Variants in ACE observed in about 807,000 individuals in gnomAD.
ACE encodes the protein angiotensin-converting enzyme.
A neutral mutation model predicts 162.3 loss-of-function variants in ACE; 122 were observed. That is an observed-to-expected ratio of 0.75 (90% CI 0.65 to 0.87). The LOEUF (loss-of-function observed/expected upper bound fraction) is 0.87. Among genes scored for constraint, ACE ranks in the 40% least tolerant of loss-of-function variants. ACE has a pLI of 0.00. For missense variants in ACE, 1,799 were observed against 1,735.1 expected (o/e 1.04, Z -0.65); for synonymous variants, 796 against 720.6 (o/e 1.10, Z -1.68).
intron 22 of ACE, 106 bp from the exon 23 acceptor site, chr17:63,496,288 A>C (rs987569734): frequency 1.3e-6 from 2 of 1,557,614 alleles, no homozygotes; most frequent in Admixed American, 3.3e-5. Flanking sequence ...TGCTGTGCGC[A>C]TGTGACTTAG....
Position 63,483,567 on chromosome 17 carries a change from G to GCGGGGGGGGGGCCCCCCCCCCCCCCCCC in ACE, c.1586+10_1586+11insGGGGGGGGGGCCCCCCCCCCCCCCCCCC. The GCGGGGGGGGGGCCCCCCCCCCCCCCCCC allele has an allele frequency of 1.3e-6, 2 of 1,589,386 alleles. No individual in the cohort carries two copies. Among genetic ancestry groups the GCGGGGGGGGGGCCCCCCCCCCCCCCCCC allele is most frequent in the African/African-American group, 1.4e-5 (1 of 71,662 alleles). On this transcript the variant is annotated intron_variant, in intron 10 of 24. Transcript: ENST00000290866. The stretch of plus-strand genomic sequence containing the variant: ...GTGACACCATACATCAGGTATTAGC[G>GCGGGGGGGGGGCCCCCCCCCCCCCCCCC]CCCCCACCCCACCCACCCCCAGTAC...
Position 63,477,914 on chromosome 17 carries a change from C to A in ACE, c.250-17C>A. ...AGCAGGGTCCTACACCCTCCCTGCC[C>A]TCCTGGTGCCCAATAGGAGGAAGCA... On this transcript the variant is annotated splice_polypyrimidine_tract_variant and intron_variant, in intron 1 of 24. Transcript: ENST00000290866. The A allele has an allele frequency of 1.2e-6, 2 of 1,604,774 alleles. No homozygotes were observed. Among genetic ancestry groups the A allele is most frequent in the Non-Finnish European group, 1.7e-6 (2 of 1,175,740 alleles).
intron 23 of ACE, 65 bp downstream of exon 23, chr17:63,496,581 C>T: frequency 6.2e-7 from 1 of 1,611,844 alleles, no homozygotes. Context: ...CTTGAGGGGT[C>T]TGTCCACTGG....
chr17:63,477,436 CG>C, intron 1 of ACE, 93 bp downstream of exon 1: 6 of 1,028,896 alleles, frequency 5.8e-6, no homozygotes, highest in Non-Finnish European at 7.2e-6. Flanking sequence ...CTGGCGCCCC[CG>C]ACCCGAACCC....
At chr17:63,486,446 C>A in intron 13 of ACE, 111 bp from the exon 14 acceptor site, 1 of 1,221,054 alleles carries the variant, frequency 8.2e-7, no homozygotes, top group African/African-American at 1.5e-5. Flanking sequence ...CAACTTAATT[C>A]CACTGCCCCC....
Position 63,489,043 on chromosome 17 carries a change from A to C in ACE, c.2552A>C (p.Asn851Thr). 1 of 1,614,148 alleles carries C rather than the reference A, an allele frequency of 6.2e-7. No individual in the cohort carries two copies. The highest frequency in any genetic ancestry group is 1.1e-5 in the South Asian group (1 of 91,080). The change falls in exon 17 of 25, where the codon AAC becomes ACC. Residue 851 changes from asparagine (N) to threonine (T), a missense_variant. By Grantham distance (65) the Asn-to-Thr change is moderately conservative. Coordinates refer to ENST00000290866, the MANE Select transcript of ACE (RefSeq NM_000789.4). ...LFQELQPLYL[N>T]LHAYVRRALH... Reference sequence around the variant, plus strand: ...CAGGAGCTGCAGCCACTCTACCTCAACCTGCATGCCTACGTGCGCCGGGCC... The same window carrying C: ...CAGGAGCTGCAGCCACTCTACCTCACCCTGCATGCCTACGTGCGCCGGGCC...
In ACE at chr17:63,488,405, G is replaced by A. The variant is rs181105359; in HGVS notation, c.2306-243G>A. On this transcript the variant is annotated intron_variant, in intron 15 of 24. Coordinates refer to ENST00000290866, the MANE Select transcript of ACE (RefSeq NM_000789.4). ...AAGGAGAGGAGAGAGACTCAAGCAC[G>A]CCCCTCACAGGACTGCTGAGGCCCT... Among the ~76,000 whole-genome samples the A allele has an allele frequency of 2.6e-3, 385 of 147,582 alleles. 4 individuals are homozygous for A. Among genetic ancestry groups the A allele is most frequent in the Non-Finnish European group, 3.5e-3 (238 of 67,120 alleles).
In ACE at chr17:63,481,026, C is replaced by G. The variant is rs868109489; in HGVS notation, c.848-65C>G. 19 of 1,506,740 alleles carry G rather than the reference C, an allele frequency of 1.3e-5. 1 individual carries two copies. The Middle Eastern group carries it at 8.5e-4, about 68-fold the overall frequency. The allele number at this position is 1,506,740 out of a possible 1,614,324, so 93.3% of individuals were successfully genotyped here. ...GTGCCGGCCCCAGGGTGCCACTCAG[C>G]GATGCATGAAGAAGCAGGCACAGCC... On this transcript the variant is annotated intron_variant, in intron 5 of 24. Transcript: ENST00000290866.
rs868134438 is a variant in ACE, at chr17:63,477,269, C to G, written c.175C>G (p.Gln59Glu). 4.7e-6 allele frequency: 7 copies of G among 1,494,510 alleles called. No homozygotes were observed. The highest frequency in any genetic ancestry group is 3.8e-5 in the South Asian group (3 of 79,704). 92.6% of individuals were successfully genotyped at this position (1,494,510 alleles called of 1,614,324 possible). A position where few individuals can be genotyped will look rare whatever the true frequency, so the allele number is the denominator to read the frequency against. The stretch of plus-strand genomic sequence containing the variant: ...GCAGAGCTACAACTCCAGCGCCGAA[C>G]AGGTGCTGTTCCAGAGCGTGGCCGC... ...FAQSYNSSAE[Q>E]VLFQSVAASW... The change falls in exon 1 of 25, where the codon CAG (glutamine) becomes GAG (glutamate). Residue 59 changes from glutamine (Q) to glutamate (E), a missense_variant. Physicochemically the swap from Gln to Glu is conservative, Grantham distance 29. Transcript: ENST00000290866.
chr17:63,481,263 CAG>C, intron 6 of ACE, 75 bp downstream of exon 6: 1 of 1,390,270 alleles, frequency 7.2e-7, no homozygotes, highest in Non-Finnish European at 1.0e-6. Flanking sequence ...CAGATGGGCA[CAG>C]GGGCGGGAAG....
At position 63,482,666 on chromosome 17, in the gene ACE, T is replaced by A. The variant is rs748465912; in HGVS notation, c.1319T>A (p.Leu440Gln). Reference protein sequence around the residue: ...TPEHLHKIGLLDRVTNDTESD... With the variant: ...TPEHLHKIGLQDRVTNDTESD... ...GAACATCTGCACAAAATCGGCCTGC[T>A]GGACCGTGTCACCAATGACACGGGT... Residue 440 changes from leucine (L) to glutamine (Q), a missense_variant, in exon 8 of 25, where the codon CTG becomes CAG. Coordinates refer to ENST00000290866, the MANE Select transcript of ACE (RefSeq NM_000789.4). 4 of 1,613,746 alleles carry A rather than the reference T, an allele frequency of 2.5e-6. No individual in the cohort carries two copies. Among genetic ancestry groups the A allele is most frequent in the Middle Eastern group, 1.6e-4 (1 of 6,084 alleles).
In ACE at chr17:63,491,381, G is replaced by T. The variant is rs554004241; in HGVS notation, c.2912G>T (p.Arg971Leu). ...AWDFYNGKDF[R>L]IKQCTTVNLE... ...GACTTCTACAACGGCAAGGACTTCCGGTACATCCAGCTAGGGCTCAGGTCT... is the reference window on the plus strand; with the variant it reads ...GACTTCTACAACGGCAAGGACTTCCTGTACATCCAGCTAGGGCTCAGGTCT... The change falls in exon 19 of 25, where the codon CGG becomes CTG. Residue 971 changes from arginine to leucine, a missense_variant and splice_region_variant. Transcript: ENST00000290866. The surrounding 1 kb of genome is among the most constrained non-coding windows in gnomAD (Gnocchi z 4.4). The T allele has an allele frequency of 6.2e-6, 10 of 1,613,966 alleles. No homozygotes were observed. The highest frequency in any genetic ancestry group is 1.3e-5 in the African/African-American group (1 of 74,914).
rs147670020 is a variant in ACE, at chr17:63,480,459, C to T, written c.778C>T (p.Arg260Cys). ...CCTGAACCTCCATGCCTTCGTCCGCCGCGCACTGCATCGCCGATACGGAGA... is the reference window on the plus strand; with the variant it reads ...CCTGAACCTCCATGCCTTCGTCCGCTGCGCACTGCATCGCCGATACGGAGA... ...LYLNLHAFVR[R>C]ALHRRYGDRY... The change falls in exon 5 of 25, where the codon CGC becomes TGC. Residue 260 changes from arginine to cysteine, a missense_variant. Coordinates refer to ENST00000290866, the MANE Select transcript of ACE (RefSeq NM_000789.4). The T allele has an allele frequency of 2.0e-5, 32 of 1,614,002 alleles. No individual in the cohort carries two copies. The highest frequency in any genetic ancestry group is 4.5e-5 in the East Asian group (2 of 44,892).
In ACE at chr17:63,496,179, C is replaced by T. The variant is rs1013983146; in HGVS notation, c.3381-215C>T. The T allele has an allele frequency of 4.7e-6, 3 of 639,322 alleles. No homozygotes were observed. The African/African-American group carries it at 5.5e-5, about 12-fold the overall frequency. The allele number at this position is 639,322 out of a possible 1,614,324, so 39.6% of individuals were successfully genotyped here. A position where few individuals can be genotyped will look rare whatever the true frequency, so the allele number is the denominator to read the frequency against. ...AGGCAGCTCTGTGGGTGGGAGGCAT[C>T]TACACAGGCACGGCTAGGAAGAGGC... is the stretch of plus-strand genomic sequence containing the variant. On this transcript the variant is annotated intron_variant, in intron 22 of 24. Coordinates refer to ENST00000290866, the MANE Select transcript of ACE (RefSeq NM_000789.4).
Position 63,493,628 on chromosome 17 carries a change from C to T in ACE, c.3105C>T (p.Leu1035=), listed in dbSNP as rs781732987. The T allele has an allele frequency of 1.2e-5, 19 of 1,614,040 alleles. No individual in the cohort carries two copies. Among genetic ancestry groups the T allele is most frequent in the Non-Finnish European group, 1.4e-5 (16 of 1,180,024 alleles). The change falls in exon 20 of 25, where the codon CTC becomes CTT. Residue 1035 remains leucine, a synonymous_variant. Transcript: ENST00000290866. ...SVSTPKHLHS[L]NLLSSEGGSD... is the part of the protein sequence containing the mutation. ...CTACGCCCAAGCACCTGCACAGTCT[C>T]AACCTGCTGAGCAGTGAGGGTGGCA...
chr17:63,484,547 G>C lies in ACE; in HGVS notation c.1921+6G>C. ...CAACTACCCGGAGGGCATAGGTAAA[G>C]CCCTGAGTGAGGATGGTGTGGGGCT... On this transcript the variant is annotated splice_donor_region_variant and intron_variant, in intron 12 of 24. Coordinates refer to ENST00000290866, the MANE Select transcript of ACE (RefSeq NM_000789.4). This position sits in a 1 kb window ranked among gnomAD's most constrained non-coding sequence, Gnocchi z 4.0. The C allele has an allele frequency of 6.2e-7, 1 of 1,608,930 alleles. No individual in the cohort carries two copies. The highest frequency in any genetic ancestry group is 8.5e-7 in the Non-Finnish European group (1 of 1,178,450).
intron 3 of ACE, 120 bp downstream of exon 3, chr17:63,479,220 G>A (rs2049668151): frequency 2.4e-6 from 2 of 841,662 alleles, no homozygotes; most frequent in Non-Finnish European, 3.9e-6. Context: ...CAAAGGTGTT[G>A]CCCTCCAACT....
Position 63,482,671 on chromosome 17 carries a change from C to T in ACE, c.1324C>T (p.Arg442Cys), listed in dbSNP as rs749779360. 18 of 1,613,844 alleles carry T rather than the reference C, an allele frequency of 1.1e-5. No homozygotes were observed. Among genetic ancestry groups the T allele is most frequent in the Middle Eastern group, 1.6e-4 (1 of 6,062 alleles). Residue 442 changes from arginine (R) to cysteine (C), a missense_variant, in exon 8 of 25, where the codon CGT (arginine) becomes TGT (cysteine). Coordinates refer to ENST00000290866, the MANE Select transcript of ACE (RefSeq NM_000789.4). ...TCTGCACAAAATCGGCCTGCTGGAC[C>T]GTGTCACCAATGACACGGGTATGGG... ...EHLHKIGLLD[R>C]VTNDTESDIN...
Position 63,481,177 on chromosome 17 carries a change from A to G in ACE, c.934A>G (p.Met312Val), listed in dbSNP as rs367998749. Reference protein sequence around the residue: ...DKPNLDVTSTMLQQGWNATHM... With the variant: ...DKPNLDVTSTVLQQGWNATHM... The stretch of plus-strand genomic sequence containing the variant: ...GCCCAACCTCGATGTCACCAGTACT[A>G]TGCTGCAGCAGGTAAGCTCTGGGCT... Residue 312 changes from methionine (M) to valine (V), a missense_variant, in exon 6 of 25, where the codon ATG becomes GTG. Physicochemically the swap from Met to Val is conservative, Grantham distance 21. Coordinates refer to ENST00000290866, the MANE Select transcript of ACE (RefSeq NM_000789.4). 45 of 1,486,704 alleles carry G rather than the reference A, an allele frequency of 3.0e-5. No individual in the cohort carries two copies. The highest frequency in any genetic ancestry group is 5.7e-5 in the East Asian group (2 of 35,198). 92.1% of individuals were successfully genotyped at this position (1,486,704 alleles called of 1,614,324 possible).
Sources: allele counts gnomAD v4.1 joint callset (sites outside exome capture counted in the v4.1 genomes callset), GRCh38; gene constraint gnomAD v4.1.1; non-coding constraint Gnocchi (gnomAD v3.1); transcripts MANE v1.5; gene names NCBI Gene and HGNC (gene_info 2026-07-23, HGNC 2026-07-21).